Variants in ANKRD12 observed in about 807,000 individuals in gnomAD.
ANKRD12 encodes the protein ankyrin repeat domain-containing protein 12.
Under a neutral mutation model 183.4 loss-of-function variants are expected in ANKRD12, and 85 were observed. That is an observed-to-expected ratio of 0.46 (90% CI 0.39 to 0.56). The LOEUF (loss-of-function observed/expected upper bound fraction) is 0.56. Among genes scored for constraint, ANKRD12 ranks in the 20% least tolerant of loss-of-function variants. ANKRD12 has a pLI of 0.00. For synonymous variants in ANKRD12, 914 were observed against 800.2 expected (o/e 1.14, Z -2.40); for missense variants, 2,405 against 2,357.1 (o/e 1.02, Z -0.42).
intron 1 of ANKRD12, among the ~76,000 whole-genome samples, chr18:9,174,937 T>TGC (rs1162427996): frequency 8.6e-5 from 13 of 151,838 alleles, no homozygotes; most frequent in Non-Finnish European, 1.8e-4. Context: ...AGCATTTATT[T>TGC]ATTTATTTAT....
intron 3 of ANKRD12, among the ~76,000 whole-genome samples, chr18:9,197,516 T>C (rs1227570716): frequency 6.6e-6 from 1 of 152,190 alleles, no homozygotes; most frequent in Non-Finnish European, 1.5e-5. Flanking sequence ...ACTTAACTAC[T>C]AATAGCCTGC....
chr18:9,257,700 G>C lies in ANKRD12; in HGVS notation c.4433G>C (p.Cys1478Ser). ...CAGACTGAACTGCCAGGAAACTCTT[G>C]TGCTCAGGATCCGGCATCCTTTATG... ...LRQTELPGNS[C>S]AQDPASFMPP... The change falls in exon 9 of 13, where the codon TGT (cysteine) becomes TCT (serine). Residue 1478 changes from cysteine (C) to serine (S), a missense_variant. Cys to Ser is a moderately radical substitution (Grantham distance 112). This residue lies in a region of ANKRD12 where 1,983 missense variants were observed against 1,725.9 expected (regional missense o/e 1.15). Coordinates refer to ENST00000262126, the MANE Select transcript of ANKRD12 (RefSeq NM_015208.5). 1 of 1,613,978 alleles carries C rather than the reference G, an allele frequency of 6.2e-7. No individual in the cohort carries two copies. Among genetic ancestry groups the C allele is most frequent in the Non-Finnish European group, 8.5e-7 (1 of 1,179,974 alleles).
In ANKRD12 at chr18:9,273,902, A is replaced by G. The variant is rs549858556; in HGVS notation, c.5764-1622A>G. On this transcript the variant is annotated intron_variant, in intron 10 of 12. Coordinates refer to ENST00000262126, the MANE Select transcript of ANKRD12 (RefSeq NM_015208.5). ...ATAGATTAACAGGAGAAAAATGTGC[A>G]GATTTATTTAAGATTTATGTCACAT... 3.3e-5 allele frequency among the ~76,000 whole-genome samples: 5 copies of G among 152,348 alleles called. No individual in the cohort carries two copies. In the South Asian group the frequency reaches 1.0e-3, roughly 32 times the overall value.
intron 8 of ANKRD12, among the ~76,000 whole-genome samples, chr18:9,240,991 C>G (rs963835928): frequency 7.9e-5 from 12 of 152,094 alleles, no homozygotes; most frequent in African/African-American, 2.9e-4. Flanking sequence ...GAAAATACAA[C>G]TGTTGGTACT....
chr18:9,174,245 G>A (rs1355962144), intron 1 of ANKRD12, among the ~76,000 whole-genome samples: 1 of 152,238 alleles, frequency 6.6e-6, no homozygotes. Context: ...CTAGCCTGTT[G>A]CACTGGCTGG....
chr18:9,142,816 G>A (rs1266104123), intron 1 of ANKRD12, among the ~76,000 whole-genome samples: 1 of 152,090 alleles, frequency 6.6e-6, no homozygotes, highest in Non-Finnish European at 1.5e-5. Flanking sequence ...CCCAGGAGGT[G>A]GAGGTTGCAG....
intron 1 of ANKRD12, among the ~76,000 whole-genome samples, chr18:9,169,423 T>G (rs1386795138): frequency 1.3e-5 from 2 of 152,234 alleles, no homozygotes; most frequent in Non-Finnish European, 2.9e-5. Context: ...ATATTTAGGA[T>G]AGTTATCTCT....
intron 1 of ANKRD12, among the ~76,000 whole-genome samples, chr18:9,156,899 CAT>C (rs1236278623): frequency 2.6e-5 from 4 of 152,140 alleles, no homozygotes; most frequent in African/African-American, 4.8e-5. Context: ...GGAAAAATAT[CAT>C]ATGATTGCAC....
chr18:9,265,582 A>G (rs2039241733), intron 10 of ANKRD12, among the ~76,000 whole-genome samples: 1 of 152,196 alleles, frequency 6.6e-6, no homozygotes, highest in Non-Finnish European at 1.5e-5. Context: ...TAGAAGGAAA[A>G]CTAACAAACA....
In ANKRD12 at chr18:9,254,853, A is replaced by G. The variant is rs1216370812; in HGVS notation, c.1586A>G (p.Asp529Gly). The G allele has an allele frequency of 5.3e-6, 8 of 1,510,554 alleles. No individual in the cohort carries two copies. Among genetic ancestry groups the G allele is most frequent in the African/African-American group, 1.4e-5 (1 of 70,976 alleles). 93.6% of individuals were successfully genotyped at this position (1,510,554 alleles called of 1,614,324 possible). ...GNFRKSFSPK[D>G]DTSLHLFHIS... ...TTTAGGAAATCTTTTAGCCCAAAAG[A>G]TGATACTTCATTACATTTATTTCAT... The change falls in exon 9 of 13, where the codon GAT (aspartate) becomes GGT (glycine). Residue 529 changes from aspartate (D) to glycine (G), a missense_variant. Physicochemically the swap from Asp to Gly is moderately conservative, Grantham distance 94 (BLOSUM62 -1). Transcript: ENST00000262126.
intron 2 of ANKRD12, among the ~76,000 whole-genome samples, chr18:9,191,333 C>T (rs906884752): frequency 6.6e-6 from 1 of 152,116 alleles, no homozygotes; most frequent in Non-Finnish European, 1.5e-5. Context: ...AAAAGAAACC[C>T]TTTGTTCAAA....
intron 2 of ANKRD12, among the ~76,000 whole-genome samples, chr18:9,183,650 T>C (rs896704347): frequency 2.3e-4 from 34 of 150,376 alleles, no homozygotes; most frequent in African/African-American, 7.5e-4. Flanking sequence ...GGAATCATAT[T>C]ATCTGTGAAT....
intron 8 of ANKRD12, among the ~76,000 whole-genome samples, chr18:9,226,299 C>T (rs530083062): frequency 6.6e-6 from 1 of 152,152 alleles, no homozygotes; most frequent in East Asian, 1.9e-4. Flanking sequence ...GTGGTGCGTG[C>T]CTGTAGTCCC....
chr18:9,142,921 G>A (rs2078369202), intron 1 of ANKRD12, among the ~76,000 whole-genome samples: 1 of 152,020 alleles, frequency 6.6e-6, no homozygotes, highest in Non-Finnish European at 1.5e-5. Context: ...TGATGATAAA[G>A]ACAATTAGAT....
intron 1 of ANKRD12, among the ~76,000 whole-genome samples, chr18:9,154,660 A>G (rs1179129406): frequency 6.6e-6 from 1 of 152,160 alleles, no homozygotes; most frequent in Non-Finnish European, 1.5e-5. Flanking sequence ...ATATTTGGGA[A>G]GTGTTTGCAA....
chr18:9,263,335 A>G (rs1265949030), intron 9 of ANKRD12, among the ~76,000 whole-genome samples: 1 of 152,230 alleles, frequency 6.6e-6, no homozygotes, highest in Non-Finnish European at 1.5e-5. Context: ...GCTTTTATAA[A>G]AGAATTAAAT....
At chr18:9,264,194 G>A (rs1221446880) in intron 10 of ANKRD12, among the ~76,000 whole-genome samples, 3 of 152,070 alleles carry the variant, frequency 2.0e-5, no homozygotes, top group Non-Finnish European at 2.9e-5. Context: ...TCCAAGTTTT[G>A]GAATCATTGC....
chr18:9,254,059 C>T, intron 8 of ANKRD12, 152 bp from the exon 9 acceptor site: 3 of 899,018 alleles, frequency 3.3e-6, no homozygotes, highest in Non-Finnish European at 4.5e-6. Flanking sequence ...TTACACATTG[C>T]TATTACATTA....
At chr18:9,238,822 AAG>A (rs1173515752) in intron 8 of ANKRD12, among the ~76,000 whole-genome samples, 1 of 151,892 alleles carries the variant, frequency 6.6e-6, no homozygotes, top group Non-Finnish European at 1.5e-5. Flanking sequence ...TTCGGTGAGA[AAG>A]AGAGTAATAT....
Sources: gnomAD v4.1 joint callset for allele counts (sites outside exome capture counted in the v4.1 genomes callset) on GRCh38, gnomAD v4.1.1 for gene constraint, gnomAD v4.1.1 regional missense constraint, MANE v1.5 for transcripts, NCBI Gene and HGNC (gene_info 2026-07-23, HGNC 2026-07-21) for gene names.